The following VRK1 variants were observed in gnomAD, a reference collection of about 807,000 sequenced individuals.
VRK1 encodes the protein serine/threonine-protein kinase VRK1.
Under a neutral mutation model 57.1 loss-of-function variants are expected in VRK1, and 33 were observed. The ratio of observed to expected loss-of-function variants is 0.58; its 90% CI spans 0.44 to 0.77. The LOEUF (loss-of-function observed/expected upper bound fraction) is 0.77. Ranked by LOEUF, VRK1 falls within the 30% of genes least tolerant of loss-of-function variation. The pLI is 0.00. For synonymous variants in VRK1, 137 were observed against 147.8 expected (o/e 0.93, Z 0.53); for missense variants, 413 against 477.3 (o/e 0.87, Z 1.25).
At chr14:96,825,914 G>A (rs1047727166) in intron 1 of VRK1, among the ~76,000 whole-genome samples, 1 of 152,158 alleles carries the variant, frequency 6.6e-6, no homozygotes, top group Non-Finnish European at 1.5e-5. Flanking sequence ...TTTATGAGTA[G>A]TCATTCAGTA....
At chr14:96,802,238 A>G (rs532861453) in intron 1 of VRK1, among the ~76,000 whole-genome samples, 1 of 152,180 alleles carries the variant, frequency 6.6e-6, no homozygotes, top group African/African-American at 2.4e-5. Context: ...TTGACACACA[A>G]TCCAGCGATT....
chr14:96,856,514 T>A lies in VRK1; in HGVS notation c.831-14T>A. The A allele has an allele frequency of 6.2e-7, 1 of 1,607,992 alleles. No individual in the cohort carries two copies. The highest frequency in any genetic ancestry group is 1.7e-5 in the Admixed American group (1 of 60,006). ...ACATCAAGCTTCAGTGACTCATTCT[T>A]TAATTTTTAACAGATACAGAGAAAA... On this transcript the variant is annotated splice_polypyrimidine_tract_variant and intron_variant, in intron 9 of 12. Transcript: ENST00000216639.
chr14:96,827,279 A>G (rs1211521152), intron 1 of VRK1, among the ~76,000 whole-genome samples: 1 of 152,130 alleles, frequency 6.6e-6, no homozygotes, highest in Non-Finnish European at 1.5e-5. Context: ...GACCTTTTAA[A>G]TATTTTTTCT....
chr14:96,860,964 T>C (rs563435432), intron 11 of VRK1: 76 of 366,678 alleles, frequency 2.1e-4, no homozygotes, highest in Non-Finnish European at 3.2e-4. Context: ...TGATTTTAAC[T>C]TGGAATACTG....
chr14:96,875,945 C>T lies in VRK1; in HGVS notation c.1069-85C>T, dbSNP rs1889011258. 3.7e-6 allele frequency: 5 copies of T among 1,369,504 alleles called. No individual in the cohort carries two copies. The South Asian group carries it at 5.8e-5, about 16-fold the overall frequency. The allele number at this position is 1,369,504 out of a possible 1,614,324, so 84.8% of individuals were successfully genotyped here. A position where few individuals can be genotyped will look rare whatever the true frequency, so the allele number is the denominator to read the frequency against. On this transcript the variant is annotated intron_variant, in intron 11 of 12. Coordinates refer to ENST00000216639, the MANE Select transcript of VRK1 (RefSeq NM_003384.3). ...ACACCCACACCTATATACATTTATA[C>T]ACACACACAGACAAATATGTGATGA...
intron 12 of VRK1, among the ~76,000 whole-genome samples, chr14:96,880,517 G>T (rs1889219735): frequency 6.6e-6 from 1 of 152,106 alleles, no homozygotes. Context: ...GAAATGTCTT[G>T]GTGAGGCAGA....
chr14:96,876,430 G>A (rs1889034901), intron 12 of VRK1, among the ~76,000 whole-genome samples: 1 of 152,162 alleles, frequency 6.6e-6, no homozygotes, highest in Non-Finnish European at 1.5e-5. Flanking sequence ...AGCTACTCAG[G>A]AGGCTGAGGC....
chr14:96,838,626 G>C (rs1887318665), intron 3 of VRK1, among the ~76,000 whole-genome samples: 1 of 152,132 alleles, frequency 6.6e-6, no homozygotes, highest in Non-Finnish European at 1.5e-5. Flanking sequence ...TGGGATAGAT[G>C]TACATATGAA....
intron 10 of VRK1, among the ~76,000 whole-genome samples, chr14:96,858,530 A>G (rs967328457): frequency 3.9e-5 from 6 of 152,204 alleles, no homozygotes. Context: ...CCAATTATGC[A>G]TACAGATGTA....
intron 1 of VRK1, among the ~76,000 whole-genome samples, chr14:96,808,002 C>CCTCTCTCT (rs1555357995): frequency 8.5e-6 from 1 of 118,140 alleles, no homozygotes; most frequent in African/African-American, 3.6e-5. Flanking sequence ...TCCCTCTCTC[C>CCTCTCTCT]CTCTCTCTCT....
intron 11 of VRK1, among the ~76,000 whole-genome samples, chr14:96,875,630 A>T (rs1888997013): frequency 6.6e-6 from 1 of 152,102 alleles, no homozygotes; most frequent in African/African-American, 2.4e-5. Context: ...CACCCCACCC[A>T]TGTTGTACAA....
intron 1 of VRK1, among the ~76,000 whole-genome samples, chr14:96,806,304 T>TA (rs1885875717): frequency 6.6e-6 from 1 of 152,226 alleles, no homozygotes. Flanking sequence ...TCTTGGCTCT[T>TA]ACAGAAGTAG....
intron 3 of VRK1, among the ~76,000 whole-genome samples, chr14:96,839,470 T>C (rs1162160133): frequency 1.4e-5 from 2 of 148,070 alleles, no homozygotes; most frequent in South Asian, 2.1e-4. Flanking sequence ...GCCAATAATA[T>C]ATGACAGTTC....
At chr14:96,801,871 G>A (rs1885676345) in intron 1 of VRK1, among the ~76,000 whole-genome samples, 1 of 152,124 alleles carries the variant, frequency 6.6e-6, no homozygotes, top group Non-Finnish European at 1.5e-5. Context: ...TCAGGAGGAG[G>A]AACAAGAGGA....
intron 1 of VRK1, among the ~76,000 whole-genome samples, chr14:96,811,039 C>T (rs1477084052): frequency 6.6e-6 from 1 of 152,012 alleles, no homozygotes; most frequent in East Asian, 1.9e-4. Flanking sequence ...AAGCGGTTCT[C>T]CCACCTCAGC....
chr14:96,868,173 G>A (rs1888658630), intron 11 of VRK1, among the ~76,000 whole-genome samples: 1 of 152,066 alleles, frequency 6.6e-6, no homozygotes, highest in African/African-American at 2.4e-5. Flanking sequence ...TTTTTTAGGT[G>A]CCAGGACTCA....
intron 1 of VRK1, among the ~76,000 whole-genome samples, chr14:96,833,093 A>G (rs1193117300): frequency 6.6e-6 from 1 of 152,264 alleles, no homozygotes; most frequent in Non-Finnish European, 1.5e-5. Flanking sequence ...TATTGACCTT[A>G]ATAAACTCTT....
intron 1 of VRK1, among the ~76,000 whole-genome samples, chr14:96,817,798 T>G (rs1886452879): frequency 6.6e-6 from 1 of 152,256 alleles, no homozygotes; most frequent in African/African-American, 2.4e-5. Flanking sequence ...ATTAGCTATA[T>G]AGTTCACAGT....
intron 1 of VRK1, among the ~76,000 whole-genome samples, chr14:96,808,887 A>G (rs1412704861): frequency 6.6e-6 from 1 of 152,052 alleles, no homozygotes; most frequent in Non-Finnish European, 1.5e-5. Context: ...GTGGATTGGG[A>G]ATTTGGTGGT....
Sources: allele counts gnomAD v4.1 joint callset (sites outside exome capture counted in the v4.1 genomes callset), GRCh38; gene constraint gnomAD v4.1.1; transcripts MANE v1.5; gene names NCBI Gene and HGNC (gene_info 2026-07-23, HGNC 2026-07-21).